Variants in BCL2L13 observed in about 807,000 individuals in gnomAD.
BCL2L13 encodes the protein bcl-2-like protein 13.
BCL2L13 carries 13 observed loss-of-function variants against 25.8 expected under a neutral mutation model. The observed-to-expected ratio is 0.50, with a 90% confidence interval of 0.33 to 0.80. The LOEUF (loss-of-function observed/expected upper bound fraction) is 0.80, where lower values mean the gene tolerates loss of function less well. BCL2L13 is among the 30% of genes least tolerant of loss of function. BCL2L13 has a pLI of 0.02. For missense variants in BCL2L13, 504 were observed against 574.9 expected, an observed-to-expected ratio of 0.88 and a Z score of 1.26; for synonymous variants, 244 against 230.3, an observed-to-expected ratio of 1.06 and a Z score of -0.54.
chr22:17,685,452 G>A (rs1311151405), intron 3 of BCL2L13, among the ~76,000 whole-genome samples: 1 of 151,664 alleles, frequency 6.6e-6, no homozygotes, highest in African/African-American at 2.4e-5. Flanking sequence ...TCCAACTCCT[G>A]ACCTCAAATG....
At position 17,727,546 on chromosome 22, in the gene BCL2L13, G is replaced by T. The variant is rs1322499948; in HGVS notation, c.*12G>T. The T allele has an allele frequency of 6.2e-7, 1 of 1,612,664 alleles. No homozygotes were observed. The highest frequency in any genetic ancestry group is 1.3e-5 in the African/African-American group (1 of 74,918). Reference sequence around the variant, plus strand: ...TGAGAAAGAAATAGGAGGCTTTTCAGAAGAGAAAGACAGAAGGATGTAAGG... The same window carrying T: ...TGAGAAAGAAATAGGAGGCTTTTCATAAGAGAAAGACAGAAGGATGTAAGG... On this transcript the variant is annotated 3_prime_UTR_variant, in exon 7 of 7. Transcript: ENST00000317582.
chr22:17,710,642 C>A lies in BCL2L13; in HGVS notation c.600+8256C>A, dbSNP rs141808023. Among the ~76,000 whole-genome samples the A allele has an allele frequency of 8.0e-3, 1,204 of 151,410 alleles. 25 individuals are homozygous for A. The highest frequency in any genetic ancestry group is 0.027 in the African/African-American group (1,132 of 41,266). On this transcript the variant is annotated intron_variant, in intron 6 of 6. Transcript: ENST00000317582. The stretch of plus-strand genomic sequence containing the variant: ...CTGTAATCCCAGCACTTTGGGAGGC[C>A]GAGGTGGGCAGATCACGAGGTCAGG...
Position 17,691,375 on chromosome 22 carries a change from G to A in BCL2L13, c.386+2233G>A, listed in dbSNP as rs181704617. On this transcript the variant is annotated intron_variant, in intron 4 of 6. Transcript: ENST00000317582. ...TAATCTTTTTGTCCTGGCTGGGCGC[G>A]GTGGCTCACGCCTGTAATCCCAGCA... Among the ~76,000 whole-genome samples, 1,511 of 152,192 alleles carry A rather than the reference G, an allele frequency of 9.9e-3. 14 individuals are homozygous for A. Among genetic ancestry groups the A allele is most frequent in the Non-Finnish European group, 0.015 (1,033 of 68,024 alleles).
intron 4 of BCL2L13, among the ~76,000 whole-genome samples, chr22:17,695,176 C>T: frequency 6.6e-6 from 1 of 152,182 alleles, no homozygotes; most frequent in Non-Finnish European, 1.5e-5. Flanking sequence ...CAGGAAGTGG[C>T]ACCCATCACT....
chr22:17,678,276 G>C (rs560244787), intron 2 of BCL2L13, among the ~76,000 whole-genome samples: 1 of 151,966 alleles, frequency 6.6e-6, no homozygotes, highest in East Asian at 1.9e-4. Flanking sequence ...CTTCTGCCTC[G>C]GCCTCCCAAA....
intron 6 of BCL2L13, among the ~76,000 whole-genome samples, chr22:17,713,539 G>A (rs962246731): frequency 2.1e-5 from 3 of 145,878 alleles, no homozygotes; most frequent in Non-Finnish European, 3.0e-5. Context: ...TCAGCTCACT[G>A]CAACCTCCGC....
intron 2 of BCL2L13, among the ~76,000 whole-genome samples, chr22:17,681,913 C>G (rs2059767364): frequency 6.6e-6 from 1 of 152,112 alleles, no homozygotes; most frequent in African/African-American, 2.4e-5. Flanking sequence ...ATAGTAATAC[C>G]TATCTCAAAG....
intron 2 of BCL2L13, among the ~76,000 whole-genome samples, chr22:17,675,197 A>G (rs986540783): frequency 3.3e-5 from 5 of 152,218 alleles, no homozygotes; most frequent in African/African-American, 9.6e-5. Context: ...GTTTTTTAAA[A>G]GATTTCTTTT....
chr22:17,662,499 C>T (rs1229903771), intron 2 of BCL2L13, among the ~76,000 whole-genome samples: 1 of 151,548 alleles, frequency 6.6e-6, no homozygotes, highest in Non-Finnish European at 1.5e-5. Flanking sequence ...AAAAAATTTA[C>T]TGAAACCTGA....
chr22:17,637,481 T>C (rs962677314), upstream of BCL2L13, among the ~76,000 whole-genome samples: 5 of 150,854 alleles, frequency 3.3e-5, no homozygotes, highest in Admixed American at 6.7e-5. Flanking sequence ...CTCAAGCGAT[T>C]CTCCTGCATC....
chr22:17,701,366 CCCTT>C (rs762529116), intron 5 of BCL2L13, among the ~76,000 whole-genome samples: 1 of 152,084 alleles, frequency 6.6e-6, no homozygotes, highest in Non-Finnish European at 1.5e-5. Flanking sequence ...TCACCTAGTT[CCCTT>C]CCTTTTAGGC....
At chr22:17,655,892 GTATATGTATCTAATT>G (rs2058838326) in intron 2 of BCL2L13, 60 bp downstream of exon 2, 1 of 1,448,234 alleles carries the variant, frequency 6.9e-7, no homozygotes, top group Admixed American at 2.1e-5. Context: ...ATATATAAAA[GTATATGTATCTAATT>G]TATATGTGTG....
chr22:17,685,779 T>C (rs2059916988), intron 3 of BCL2L13, among the ~76,000 whole-genome samples: 1 of 116,580 alleles, frequency 8.6e-6, no homozygotes, highest in African/African-American at 3.3e-5. Flanking sequence ...TTTTTTTTTT[T>C]TTTTTTTTTT....
intron 3 of BCL2L13, among the ~76,000 whole-genome samples, chr22:17,685,066 G>C (rs1048301019): frequency 1.3e-5 from 2 of 151,724 alleles, no homozygotes; most frequent in Non-Finnish European, 2.9e-5. Context: ...TAGAGACAAG[G>C]TTTCTCCATG....
intron 6 of BCL2L13, among the ~76,000 whole-genome samples, chr22:17,707,400 G>A (rs144083459): frequency 1.3e-5 from 2 of 152,040 alleles, no homozygotes; most frequent in African/African-American, 4.8e-5. Context: ...CGACTTCGAG[G>A]CCTCAGAAAT....
chr22:17,659,056 TAAAAAAAAAAAAA>T (rs752881083), intron 2 of BCL2L13, among the ~76,000 whole-genome samples: 2 of 28,114 alleles, frequency 7.1e-5, no homozygotes, highest in East Asian at 2.4e-3. Flanking sequence ...AGACTCCATC[TAAAAAAAAAAAAA>T]AAAAAAAAAA....
chr22:17,711,727 A>G (rs2060768385), intron 6 of BCL2L13, among the ~76,000 whole-genome samples: 1 of 152,156 alleles, frequency 6.6e-6, no homozygotes, highest in Admixed American at 6.6e-5. Context: ...TTAATCAGTT[A>G]CTGCTATTAG....
At chr22:17,693,227 A>C (rs1227437253) in intron 4 of BCL2L13, among the ~76,000 whole-genome samples, 1 of 151,524 alleles carries the variant, frequency 6.6e-6, no homozygotes, top group Non-Finnish European at 1.5e-5. Context: ...TTAAAACCTA[A>C]CATAATAAGC....
chr22:17,630,319 G>C (rs911885183), intron 1 of BCL2L13, among the ~76,000 whole-genome samples: 1 of 148,448 alleles, frequency 6.7e-6, no homozygotes, highest in Non-Finnish European at 1.5e-5. Context: ...TCACTCTGTC[G>C]CCCAGGCTGC....
Sources: allele counts gnomAD v4.1 joint callset (sites outside exome capture counted in the v4.1 genomes callset), GRCh38; gene constraint gnomAD v4.1.1; transcripts MANE v1.5; gene names NCBI Gene and HGNC (gene_info 2026-07-23, HGNC 2026-07-21).